DIS3L2: variants seen among roughly 807,000 people sequenced by gnomAD.
DIS3L2 encodes DIS3-like exonuclease 2.
DIS3L2 carries 34 observed loss-of-function variants against 97.5 expected under a neutral mutation model. The ratio of observed to expected loss-of-function variants is 0.35; its 90% CI spans 0.27 to 0.46. The LOEUF (loss-of-function observed/expected upper bound fraction) is 0.46, where lower values mean the gene tolerates loss of function less well. Among genes scored for constraint, DIS3L2 ranks in the 20% least tolerant of loss-of-function variants. DIS3L2 has a pLI of 1.00. For synonymous variants in DIS3L2, 435 were observed against 445.2 expected (o/e 0.98, Z 0.29); for missense variants, 1,038 against 1,146.0 (o/e 0.91, Z 1.36).
At chr2:232,230,939 C>G (rs541958045) in intron 10 of DIS3L2, among the ~76,000 whole-genome samples, 1 of 152,224 alleles carries the variant, frequency 6.6e-6, no homozygotes, top group African/African-American at 2.4e-5. Context: ...CTCTGGCTCT[C>G]CTGCCTGGGA....
At chr2:232,222,396 A>G (rs1692529859) in intron 10 of DIS3L2, among the ~76,000 whole-genome samples, 1 of 152,106 alleles carries the variant, frequency 6.6e-6, no homozygotes, top group Non-Finnish European at 1.5e-5. Flanking sequence ...CTGGGAAGAG[A>G]AATGGGAAAT....
intron 10 of DIS3L2, among the ~76,000 whole-genome samples, chr2:232,236,581 G>A (rs937882849): frequency 4.6e-5 from 7 of 152,044 alleles, no homozygotes; most frequent in African/African-American, 1.7e-4. Flanking sequence ...GGTTTATGTG[G>A]TCCTTAGTGC....
intron 5 of DIS3L2, among the ~76,000 whole-genome samples, chr2:232,085,123 C>T (rs1696534161): frequency 6.6e-6 from 1 of 152,160 alleles, no homozygotes; most frequent in African/African-American, 2.4e-5. Flanking sequence ...ACTGCTAGAG[C>T]TCTCTTACTT....
chr2:232,013,541 T>C (rs1019205487), intron 1 of DIS3L2, among the ~76,000 whole-genome samples: 4 of 152,218 alleles, frequency 2.6e-5, no homozygotes, highest in Non-Finnish European at 5.9e-5. Flanking sequence ...CTTAGTTCTT[T>C]AAAATCTCTC....
At position 232,000,653 on chromosome 2, in the gene DIS3L2, CTTTCCTTTCT is replaced by C. The variant is rs544397750; in HGVS notation, c.-93-14181_-93-14172del. Among the ~76,000 whole-genome samples the C allele has an allele frequency of 2.7e-3, 357 of 130,856 alleles. 3 individuals are homozygous for C. Among genetic ancestry groups the C allele is most frequent in the African/African-American group, 8.7e-3 (327 of 37,718 alleles). The allele number at this position is 130,856 out of a possible 152,430, so 85.8% of individuals were successfully genotyped here. ...CTTTCCTTTCCTTTCCTTTCCTTTC[CTTTCCTTTCT>C]CTTTCTCTCTTTCTCTCTTTCTGTC... On this transcript the variant is annotated intron_variant, in intron 1 of 20. Transcript: ENST00000325385.
At chr2:232,049,819 C>T (rs36111140) in intron 5 of DIS3L2, among the ~76,000 whole-genome samples, 16,666 of 152,098 alleles carry the variant, frequency 0.11, 1,114 homozygotes, top group African/African-American at 0.19. Context: ...ACATTTGACA[C>T]TTTGCGTTGG....
Position 232,014,984 on chromosome 2 carries a change from T to TA in DIS3L2, c.52+9dup. 6.2e-7 allele frequency: 1 copy of TA among 1,613,766 alleles called. No individual in the cohort carries two copies. The highest frequency in any genetic ancestry group is 1.1e-5 in the South Asian group (1 of 91,028). On this transcript the variant is annotated splice_donor_region_variant and intron_variant, in intron 2 of 20. Coordinates refer to ENST00000325385, the MANE Select transcript of DIS3L2 (RefSeq NM_152383.5). ...GGCCCCTGGGGACCCCCAGAGGTAGTAAAAGGAAAATGGAGTCTGCCTGAA... is the reference window on the plus strand; with the variant it reads ...GGCCCCTGGGGACCCCCAGAGGTAGTAAAAAGGAAAATGGAGTCTGCCTGAA...
chr2:232,176,814 T>G (rs185807040), intron 9 of DIS3L2, among the ~76,000 whole-genome samples: 8 of 150,590 alleles, frequency 5.3e-5, no homozygotes, highest in African/African-American at 7.3e-5. Flanking sequence ...TTATTATTTT[T>G]TAAATTATAC....
intron 8 of DIS3L2, among the ~76,000 whole-genome samples, chr2:232,156,596 C>A (rs1214761832): frequency 6.6e-6 from 1 of 151,964 alleles, no homozygotes; most frequent in African/African-American, 2.4e-5. Context: ...ATTTAAAAAA[C>A]TGGACATTAT....
chr2:231,974,259 C>T (rs72985643), intron 1 of DIS3L2, among the ~76,000 whole-genome samples: 2,508 of 152,136 alleles, frequency 0.016, 28 homozygotes, highest in Non-Finnish European at 0.025. Flanking sequence ...GGGAGGGAAG[C>T]TGGAGCAGAA....
rs866208008 is a variant in DIS3L2, at chr2:232,176,939, A to G, written c.1124+13307A>G. Among the ~76,000 whole-genome samples, 465 of 143,962 alleles carry G rather than the reference A, an allele frequency of 3.2e-3. 5 individuals carry two copies. The highest frequency in any genetic ancestry group is 0.011 in the African/African-American group (438 of 38,874). 94.4% of individuals were successfully genotyped at this position (143,962 alleles called of 152,430 possible). On this transcript the variant is annotated intron_variant, in intron 9 of 20. Transcript: ENST00000325385. Reference sequence around the variant, plus strand: ...CATCTAGCATTAGGTATATCTCCCAATGCTATCCCTCCCCCCTCCCACCTC... The same window carrying G: ...CATCTAGCATTAGGTATATCTCCCAGTGCTATCCCTCCCCCCTCCCACCTC...
chr2:232,081,480 G>A (rs1001821539), intron 5 of DIS3L2, among the ~76,000 whole-genome samples: 10 of 91,786 alleles, frequency 1.1e-4, no homozygotes, highest in South Asian at 2.8e-4. Context: ...TGGCGATACC[G>A]AAAGCCTTTT....
chr2:231,965,457 T>A (rs545688962), intron 1 of DIS3L2, among the ~76,000 whole-genome samples: 2 of 152,234 alleles, frequency 1.3e-5, no homozygotes, highest in East Asian at 3.9e-4. Flanking sequence ...CTTTTTTTTT[T>A]TTTTTGAGTT....
At chr2:232,242,607 G>A (rs766084088) in intron 11 of DIS3L2, among the ~76,000 whole-genome samples, 16 of 152,190 alleles carry the variant, frequency 1.1e-4, no homozygotes, top group Admixed American at 2.0e-4. Flanking sequence ...TGTGGCTTTA[G>A]CAGATGTTTC....
At chr2:232,164,634 T>C (rs1690751222) in intron 9 of DIS3L2, among the ~76,000 whole-genome samples, 2 of 152,238 alleles carry the variant, frequency 1.3e-5, no homozygotes, top group South Asian at 4.1e-4. Context: ...AGTAATTTAC[T>C]GCCTTTTTCT....
At chr2:232,336,195 G>C in intron 20 of DIS3L2, 1 of 1,533,998 alleles carries the variant, frequency 6.5e-7, no homozygotes, top group African/African-American at 1.4e-5. Flanking sequence ...AAATTGTCTG[G>C]AACCGTTTTC....
chr2:232,264,203 G>T (rs1693795640), intron 13 of DIS3L2, among the ~76,000 whole-genome samples: 1 of 152,252 alleles, frequency 6.6e-6, no homozygotes, highest in Non-Finnish European at 1.5e-5. Context: ...ACAGGAGGCA[G>T]AGCTCAGGTG....
intron 12 of DIS3L2, among the ~76,000 whole-genome samples, chr2:232,257,534 G>C (rs1334519260): frequency 6.6e-6 from 1 of 152,140 alleles, no homozygotes; most frequent in Non-Finnish European, 1.5e-5. Flanking sequence ...AAACAGCCTG[G>C]TTTTGTTCCA....
At chr2:232,129,528 G>A (rs1230119977) in intron 6 of DIS3L2, among the ~76,000 whole-genome samples, 1 of 152,206 alleles carries the variant, frequency 6.6e-6, no homozygotes, top group Non-Finnish European at 1.5e-5. Context: ...TTACTTTTTG[G>A]AAAACAATGA....
Sources: allele counts gnomAD v4.1 joint callset (sites outside exome capture counted in the v4.1 genomes callset), GRCh38; gene constraint gnomAD v4.1.1; transcripts MANE v1.5; gene names NCBI Gene and HGNC (gene_info 2026-07-23, HGNC 2026-07-21).